AZI2: variants seen among roughly 807,000 people sequenced by gnomAD.
AZI2 encodes the protein 5-azacytidine induced 2, also known as 5-azacytidine-induced protein 2.
In AZI2, 22 loss-of-function variants were observed where a neutral mutation model predicts 45.8. The ratio of observed to expected loss-of-function variants is 0.48; its 90% confidence interval spans 0.34 to 0.69. AZI2 has a LOEUF of 0.69. Ranked by LOEUF, AZI2 falls within the 30% of genes least tolerant of loss-of-function variation. The pLI is 0.01. For missense variants in AZI2, 417 were observed against 441.5 expected (o/e 0.94, Z 0.50); for synonymous variants, 137 against 156.7 (o/e 0.87, Z 0.94).
intron 1 of AZI2, among the ~76,000 whole-genome samples, chr3:28,340,949 A>G (rs1413200105): frequency 1.3e-5 from 2 of 152,046 alleles, no homozygotes; most frequent in Non-Finnish European, 2.9e-5. Context: ...TCATTAAAAC[A>G]ATCAAAATTT....
At chr3:28,324,647 C>G in intron 7 of AZI2, 193 bp from the exon 8 acceptor site, 1 of 440,602 alleles carries the variant, frequency 2.3e-6, no homozygotes, top group South Asian at 9.5e-5. Context: ...CAGCAATTTA[C>G]TGTGACTTTA....
rs547060775 is a variant in AZI2, at chr3:28,348,639, C to T, written c.-44G>A. On this transcript the variant is annotated 5_prime_UTR_variant, in exon 1 of 8. Coordinates refer to ENST00000479665, the MANE Select transcript of AZI2 (RefSeq NM_022461.5). ...TACGTAGGGCCGCCCCCAAGGCCGC[C>T]GAGTTTCGATTCCTTAGTGTTTGGA... 2 of 152,888 alleles carry T rather than the reference C, an allele frequency of 1.3e-5. No individual in the cohort carries two copies. Among genetic ancestry groups the T allele is most frequent in the East Asian group, 3.9e-4 (2 of 5,164 alleles). The allele number at this position is 152,888 out of a possible 1,614,324, so 9.5% of individuals were successfully genotyped here.
At position 28,322,781 on chromosome 3, in the gene AZI2, T is replaced by C. The variant is rs1002069728; in HGVS notation, c.*1261A>G. The C allele has an allele frequency of 6.6e-6, 1 of 151,524 alleles. No homozygotes were observed. The highest frequency in any genetic ancestry group is 1.5e-5 in the Non-Finnish European group (1 of 67,378). The allele number at this position is 151,524 out of a possible 1,614,324, so 9.4% of individuals were successfully genotyped here. A position where few individuals can be genotyped will look rare whatever the true frequency, so the allele number is the denominator to read the frequency against. ...ATAATAGAAAAAAATATCTAGTGAA[T>C]GGCGAACATTGTCTATGTATGTATG... On this transcript the variant is annotated 3_prime_UTR_variant, in exon 8 of 8. Transcript: ENST00000479665.
intron 5 of AZI2, among the ~76,000 whole-genome samples, chr3:28,335,629 T>A (rs1703760745): frequency 6.6e-6 from 1 of 152,024 alleles, no homozygotes; most frequent in South Asian, 2.1e-4. Flanking sequence ...GGCAGACTGC[T>A]ATATTATTCT....
At chr3:28,346,374 A>G (rs1172464230) in intron 1 of AZI2, among the ~76,000 whole-genome samples, 1 of 152,172 alleles carries the variant, frequency 6.6e-6, no homozygotes, top group Admixed American at 6.5e-5. Context: ...ATACAGAACA[A>G]TGGCAACCTA....
intron 1 of AZI2, among the ~76,000 whole-genome samples, chr3:28,344,364 C>G (rs1392392781): frequency 1.3e-5 from 2 of 151,776 alleles, no homozygotes; most frequent in African/African-American, 4.8e-5. Context: ...AAAATGAGAT[C>G]ATAGAAAGGA....
chr3:28,346,094 A>G (rs897702395), intron 1 of AZI2, among the ~76,000 whole-genome samples: 1 of 152,156 alleles, frequency 6.6e-6, no homozygotes, highest in African/African-American at 2.4e-5. Flanking sequence ...AGCTGTCAGA[A>G]GTCTATGGTC....
At chr3:28,332,344 T>G in intron 6 of AZI2, 25 bp downstream of exon 6, 1 of 1,585,122 alleles carries the variant, frequency 6.3e-7, no homozygotes, top group Non-Finnish European at 8.7e-7. Context: ...CAACGTATTG[T>G]CTTAATGCTG....
At chr3:28,331,421 T>C (rs1008329396) in intron 6 of AZI2, among the ~76,000 whole-genome samples, 1 of 151,548 alleles carries the variant, frequency 6.6e-6, no homozygotes, top group African/African-American at 2.4e-5. Context: ...GAAGGCATAA[T>C]TGAAGTACTG....
chr3:28,336,653 A>G (rs1703802854), intron 5 of AZI2, 84 bp downstream of exon 5: 2 of 1,359,842 alleles, frequency 1.5e-6, no homozygotes, highest in Admixed American at 2.1e-5. Flanking sequence ...TTTTAACTCT[A>G]TGGTTTAATA....
intron 4 of AZI2, 77 bp downstream of exon 4, chr3:28,337,860 G>A: frequency 1.1e-6 from 1 of 931,872 alleles, no homozygotes. Context: ...TATGGATACA[G>A]AAAACTGTTG....
chr3:28,326,745 T>C lies in AZI2; in HGVS notation c.766+87A>G, dbSNP rs1036445008. 6.0e-6 allele frequency: 6 copies of C among 1,007,146 alleles called. No homozygotes were observed. The African/African-American group carries it at 9.6e-5, about 16-fold the overall frequency. The allele number at this position is 1,007,146 out of a possible 1,614,324, so 62.4% of individuals were successfully genotyped here. A position where few individuals can be genotyped will look rare whatever the true frequency, so the allele number is the denominator to read the frequency against. On this transcript the variant is annotated intron_variant, in intron 7 of 7. Coordinates refer to ENST00000479665, the MANE Select transcript of AZI2 (RefSeq NM_022461.5). ...ATACTTTGGCTTATCAATCTCTCAT[T>C]TGATGAGATTTTGATAAGATATGAC...
At chr3:28,329,324 C>T (rs945779268) in intron 6 of AZI2, among the ~76,000 whole-genome samples, 2 of 151,096 alleles carry the variant, frequency 1.3e-5, no homozygotes, top group Non-Finnish European at 1.5e-5. Flanking sequence ...TTTCACTTAA[C>T]CCGGTCTAAT....
At chr3:28,328,648 G>A (rs1703473328) in intron 6 of AZI2, among the ~76,000 whole-genome samples, 1 of 151,106 alleles carries the variant, frequency 6.6e-6, no homozygotes, top group South Asian at 2.1e-4. Flanking sequence ...CTAGGTCACT[G>A]AGTTTAATAC....
chr3:28,324,547 T>C, intron 7 of AZI2, 93 bp from the exon 8 acceptor site: 1 of 1,171,670 alleles, frequency 8.5e-7, no homozygotes, highest in Admixed American at 2.9e-5. Flanking sequence ...CTAGAACTGG[T>C]GATGAAATTA....
At chr3:28,337,798 C>T (rs953097809) in intron 4 of AZI2, 139 bp downstream of exon 4, 2 of 469,364 alleles carry the variant, frequency 4.3e-6, no homozygotes, top group East Asian at 3.4e-5. Flanking sequence ...GAAGGTAGAA[C>T]AGAGAAATTA....
In AZI2 at chr3:28,348,618, T is replaced by A. The variant is rs942994661; in HGVS notation, c.-23A>T. ...TCACTCACCCAGAAGCCAGGCTACG[T>A]AGGGCCGCCCCCAAGGCCGCCGAGT... On this transcript the variant is annotated 5_prime_UTR_variant, in exon 1 of 8. Coordinates refer to ENST00000479665, the MANE Select transcript of AZI2 (RefSeq NM_022461.5). 6.5e-6 allele frequency: 1 copy of A among 152,744 alleles called. No individual in the cohort carries two copies. The highest frequency in any genetic ancestry group is 2.4e-5 in the African/African-American group (1 of 41,464). 9.5% of individuals were successfully genotyped at this position (152,744 alleles called of 1,614,324 possible).
chr3:28,331,684 A>G (rs1703577732), intron 6 of AZI2: 5 of 1,299,206 alleles, frequency 3.8e-6, no homozygotes, highest in South Asian at 2.3e-5. Flanking sequence ...TGATAAAACA[A>G]TGAAGTCAGA....
intron 6 of AZI2, 172 bp from the exon 7 acceptor site, chr3:28,327,122 C>A (rs374955491): frequency 1.8e-6 from 1 of 548,838 alleles, no homozygotes; most frequent in East Asian, 3.1e-5. Context: ...GTGAAAAGAT[C>A]TTGAAAGAAT....
Sources: gnomAD v4.1 joint callset for allele counts (sites outside exome capture counted in the v4.1 genomes callset) on GRCh38, gnomAD v4.1.1 for gene constraint, MANE v1.5 for transcripts, NCBI Gene and HGNC (gene_info 2026-07-23, HGNC 2026-07-21) for gene names.